FBXL4: variants seen among roughly 807,000 people sequenced by gnomAD.
The protein encoded by FBXL4 is F-box/LRR-repeat protein 4.
In FBXL4, 40 loss-of-function variants were observed where a neutral mutation model predicts 58.9. The observed-to-expected ratio is 0.68, with a 90% CI of 0.53 to 0.88. The LOEUF is 0.88. Among genes scored for constraint, FBXL4 ranks in the 40% least tolerant of loss-of-function variants. The pLI is 0.00. For missense variants in FBXL4, 676 were observed against 734.4 expected (o/e 0.92, Z 0.92); for synonymous variants, 263 against 265.5 (o/e 0.99, Z 0.09).
chr6:98,909,737 C>T (rs1771957764), intron 5 of FBXL4, among the ~76,000 whole-genome samples: 1 of 152,124 alleles, frequency 6.6e-6, no homozygotes, highest in Admixed American at 6.5e-5. Flanking sequence ...GCTCCTCTCT[C>T]TCCCCAAACC....
Position 98,910,148 on chromosome 6 carries a change from C to A in FBXL4, c.859-4478G>T, listed in dbSNP as rs560081945. Among the ~76,000 whole-genome samples, 14 of 152,306 alleles carry A rather than the reference C, an allele frequency of 9.2e-5. No homozygotes were observed. In the South Asian group the frequency reaches 2.9e-3, roughly 32 times the overall value. ...GAAAACTGATATACATTTTTAACCACACAGTAGTTTTCAGTGGGAGACAGA... is the reference window on the plus strand; with the variant it reads ...GAAAACTGATATACATTTTTAACCAAACAGTAGTTTTCAGTGGGAGACAGA... On this transcript the variant is annotated intron_variant, in intron 5 of 9. Coordinates refer to ENST00000369244, the MANE Select transcript of FBXL4 (RefSeq NM_001278716.2).
At chr6:98,929,216 G>A (rs1244470983) in intron 2 of FBXL4, among the ~76,000 whole-genome samples, 1 of 152,150 alleles carries the variant, frequency 6.6e-6, no homozygotes, top group Non-Finnish European at 1.5e-5. Context: ...TATAAGCACT[G>A]AAACACTACT....
chr6:98,888,911 TCAG>T (rs372334080), intron 7 of FBXL4, among the ~76,000 whole-genome samples: 51 of 152,374 alleles, frequency 3.3e-4, no homozygotes, highest in African/African-American at 1.2e-3. Flanking sequence ...TTAACCCTGT[TCAG>T]CAGCTTCAAA....
intron 5 of FBXL4, among the ~76,000 whole-genome samples, 194 bp from the exon 6 acceptor site, chr6:98,905,864 A>C (rs1172500193): frequency 6.6e-6 from 1 of 152,218 alleles, no homozygotes; most frequent in Non-Finnish European, 1.5e-5. Flanking sequence ...GCATTTCAAG[A>C]TTATTCAAAG....
In FBXL4 at chr6:98,917,380, A is replaced by G; in HGVS notation, c.852T>C (p.Pro284=). The part of the protein sequence containing the change: ...GPNNGYFDKL[P]YELIQLILNH... ...CTAAATATTTTTGGCTTACCTCATA[A>G]GGTAGTTTATCAAAATACCCATTAT... Residue 284 remains proline, a synonymous_variant, in exon 5 of 10, where the codon CCT becomes CCC. Transcript: ENST00000369244. 1 of 1,599,072 alleles carries G rather than the reference A, an allele frequency of 6.3e-7. No individual in the cohort carries two copies. The highest frequency in any genetic ancestry group is 8.5e-7 in the Non-Finnish European group (1 of 1,172,074).
At chr6:98,930,511 A>G (rs1379690662) in intron 2 of FBXL4, among the ~76,000 whole-genome samples, 1 of 152,258 alleles carries the variant, frequency 6.6e-6, no homozygotes, top group Non-Finnish European at 1.5e-5. Context: ...CTCAGGACAT[A>G]TAATAGCAAG....
At chr6:98,933,092 G>C (rs1022736449) in intron 2 of FBXL4, among the ~76,000 whole-genome samples, 1 of 152,164 alleles carries the variant, frequency 6.6e-6, no homozygotes, top group Admixed American at 6.5e-5. Flanking sequence ...GTTGAATCTA[G>C]AAATCAAAAC....
intron 8 of FBXL4, among the ~76,000 whole-genome samples, chr6:98,876,139 G>A (rs559908778): frequency 6.6e-6 from 1 of 152,262 alleles, no homozygotes; most frequent in Non-Finnish European, 1.5e-5. Flanking sequence ...TGATCTCCCT[G>A]ATGTGTATCT....
rs1201418712 is a variant in FBXL4, at chr6:98,934,409, AAG to A, written c.-191+351_-191+352del. On this transcript the variant is annotated intron_variant, in intron 2 of 9. Coordinates refer to ENST00000369244, the MANE Select transcript of FBXL4 (RefSeq NM_001278716.2). ...GTGAGACTCCGTCTCAAAAAAAAAA[AAG>A]AGAGAGAGAGACAGAAGAGACAGGC... Among the ~76,000 whole-genome samples, 247 of 152,094 alleles carry A rather than the reference AAG, an allele frequency of 1.6e-3. 2 individuals are homozygous for A. The highest frequency in any genetic ancestry group is 5.3e-3 in the African/African-American group (222 of 41,518).
chr6:98,940,968 T>C (rs1773409468), intron 1 of FBXL4, among the ~76,000 whole-genome samples: 1 of 152,156 alleles, frequency 6.6e-6, no homozygotes, highest in South Asian at 2.1e-4. Flanking sequence ...ACATTTCTAG[T>C]GGGAATGCAA....
At chr6:98,878,727 A>G (rs144866525) in intron 8 of FBXL4, among the ~76,000 whole-genome samples, 228 of 152,198 alleles carry the variant, frequency 1.5e-3, no homozygotes, top group African/African-American at 5.2e-3. Flanking sequence ...GAGGTAAATA[A>G]CAAGCAGAAT....
At chr6:98,904,748 C>T (rs1470532356) in intron 6 of FBXL4, among the ~76,000 whole-genome samples, 1 of 152,022 alleles carries the variant, frequency 6.6e-6, no homozygotes, top group Non-Finnish European at 1.5e-5. Flanking sequence ...ATGAGAAAAA[C>T]CATGATCAAG....
chr6:98,934,329 G>A (rs765126954), intron 2 of FBXL4, among the ~76,000 whole-genome samples: 1 of 151,968 alleles, frequency 6.6e-6, no homozygotes, highest in Non-Finnish European at 1.5e-5. Context: ...AACCCGGGAG[G>A]CGGAGGTTGC....
At position 98,870,800 on chromosome 6, in the gene FBXL4, G is replaced by A. The variant is rs1770470412; in HGVS notation, c.*3478C>T. 6.6e-6 allele frequency: 1 copy of A among 152,190 alleles called. No homozygotes were observed. The highest frequency in any genetic ancestry group is 1.5e-5 in the Non-Finnish European group (1 of 68,034). The allele number at this position is 152,190 out of a possible 1,614,324, so 9.4% of individuals were successfully genotyped here. ...CTGTTCTTAAAGAATACTATAGGGAGGTCAGATGCAGTGGTTCATGCCTGT... is the reference window on the plus strand; with the variant it reads ...CTGTTCTTAAAGAATACTATAGGGAAGTCAGATGCAGTGGTTCATGCCTGT... On this transcript the variant is annotated 3_prime_UTR_variant, in exon 10 of 10. Transcript: ENST00000369244.
chr6:98,915,268 C>T (rs1249702997), intron 5 of FBXL4, among the ~76,000 whole-genome samples: 4 of 152,006 alleles, frequency 2.6e-5, no homozygotes, highest in Non-Finnish European at 4.4e-5. Context: ...AGATTCAATG[C>T]CATCCCCATC....
intron 7 of FBXL4, among the ~76,000 whole-genome samples, chr6:98,886,003 C>T (rs909790470): frequency 2.2e-4 from 34 of 152,212 alleles, no homozygotes; most frequent in Admixed American, 2.1e-3. Context: ...ACTGTAGCAA[C>T]ATCCCCCTGA....
At chr6:98,902,669 A>T (rs1771658486) in intron 6 of FBXL4, among the ~76,000 whole-genome samples, 1 of 152,128 alleles carries the variant, frequency 6.6e-6, no homozygotes, top group Non-Finnish European at 1.5e-5. Context: ...GATCAAGGCC[A>T]TTCAGCAAAT....
intron 8 of FBXL4, among the ~76,000 whole-genome samples, 187 bp downstream of exon 8, chr6:98,880,366 T>C (rs1770808333): frequency 6.6e-6 from 1 of 152,170 alleles, no homozygotes; most frequent in South Asian, 2.1e-4. Flanking sequence ...GGATAAATAA[T>C]GTCAGTGTTT....
chr6:98,915,152 G>C (rs2128399649), intron 5 of FBXL4, among the ~76,000 whole-genome samples: 1 of 152,092 alleles, frequency 6.6e-6, no homozygotes, highest in African/African-American at 2.4e-5. Context: ...ACAAACCACT[G>C]CTCAAGGAAA....
Sources: allele counts gnomAD v4.1 joint callset (sites outside exome capture counted in the v4.1 genomes callset), GRCh38; gene constraint gnomAD v4.1.1; transcripts MANE v1.5; gene names NCBI Gene and HGNC (gene_info 2026-07-23, HGNC 2026-07-21).